DERL2: variants seen among roughly 807,000 people sequenced by gnomAD.
DERL2 encodes derlin-2.
Under a neutral mutation model 32.0 loss-of-function variants are expected in DERL2, and 13 were observed. The ratio of observed to expected loss-of-function variants is 0.41; its 90% confidence interval spans 0.26 to 0.65. The LOEUF is 0.65. DERL2 is among the 30% of genes least tolerant of loss of function. DERL2 has a pLI of 0.35. For missense variants in DERL2, 208 were observed against 296.3 expected (o/e 0.70, Z 2.19); for synonymous variants, 111 against 104.7 (o/e 1.06, Z -0.37).
chr17:5,477,037 G>C (rs17710957), intron 6 of DERL2, among the ~76,000 whole-genome samples: 2,222 of 152,240 alleles, frequency 0.015, 27 homozygotes, highest in Non-Finnish European at 0.024. Flanking sequence ...AGACTATCCC[G>C]AAAGACTGGT....
Position 5,481,211 on chromosome 17 carries a change from A to C in DERL2, c.327+85T>G, listed in dbSNP as rs1211815421. ...TGATAGTGCCCTGAAGCTAAGATCTAGAGAACTGTGGGAGACAGATGACAA... is the reference window on the plus strand; with the variant it reads ...TGATAGTGCCCTGAAGCTAAGATCTCGAGAACTGTGGGAGACAGATGACAA... On this transcript the variant is annotated intron_variant, in intron 4 of 6. Transcript: ENST00000158771. The surrounding 1 kb of genome is among the most constrained non-coding windows in gnomAD (Gnocchi z 4.4). 1.0e-6 allele frequency: 1 copy of C among 994,824 alleles called. No homozygotes were observed. Among genetic ancestry groups the C allele is most frequent in the Non-Finnish European group, 1.6e-6 (1 of 624,618 alleles). The allele number at this position is 994,824 out of a possible 1,614,324, so 61.6% of individuals were successfully genotyped here.
intron 3 of DERL2, chr17:5,482,475 T>C (rs1567612968): frequency 4.9e-6 from 1 of 205,724 alleles, no homozygotes; most frequent in Non-Finnish European, 9.8e-6. Flanking sequence ...TTCTGCTGAA[T>C]TACCATTGCA....
Position 5,473,905 on chromosome 17 carries a change from T to C in DERL2, c.*779A>G, listed in dbSNP as rs1330774792. On this transcript the variant is annotated 3_prime_UTR_variant, in exon 7 of 7. Transcript: ENST00000158771. ...TTACCAATCTTTCCCTGGATACTTC[T>C]TAATGGAGAAATGTAAGTAAAGCAA... 6.6e-6 allele frequency: 1 copy of C among 152,214 alleles called. No homozygotes were observed. The highest frequency in any genetic ancestry group is 1.5e-5 in the Non-Finnish European group (1 of 68,038). 9.4% of individuals were successfully genotyped at this position (152,214 alleles called of 1,614,324 possible). A position where few individuals can be genotyped will look rare whatever the true frequency, so the allele number is the denominator to read the frequency against.
chr17:5,484,058 G>A (rs1905978434), intron 2 of DERL2, among the ~76,000 whole-genome samples: 1 of 152,216 alleles, frequency 6.6e-6, no homozygotes, highest in Non-Finnish European at 1.5e-5. Context: ...AACAAAGGAG[G>A]ATGAGTACAT....
In DERL2 at chr17:5,471,932, G is replaced by T. The variant is rs1905142697; in HGVS notation, c.*2752C>A. On this transcript the variant is annotated 3_prime_UTR_variant, in exon 7 of 7. Coordinates refer to ENST00000158771, the MANE Select transcript of DERL2 (RefSeq NM_016041.5). ...TTTTCAGAGGCCCCAGAGACTGAGG[G>T]TTTCATTATCCAGACCCAGGACTTA... is the stretch of plus-strand genomic sequence containing the variant. 1 of 152,130 alleles carries T rather than the reference G, an allele frequency of 6.6e-6. No individual in the cohort carries two copies. Among genetic ancestry groups the T allele is most frequent in the Non-Finnish European group, 1.5e-5 (1 of 68,044 alleles). The allele number at this position is 152,130 out of a possible 1,614,324, so 9.4% of individuals were successfully genotyped here.
In DERL2 at chr17:5,486,147, G is replaced by C. The variant is rs766238801; in HGVS notation, c.15C>G (p.Ser5Arg). Reference protein sequence around the residue: MAYQSLRLEYLQIPP... With the variant: MAYQRLRLEYLQIPP... ...GGATCTGCAGGTACTCCAGCCGCAAGCTCTGGTACGCCATCTTCCCCACCG... is the reference window on the plus strand; with the variant it reads ...GGATCTGCAGGTACTCCAGCCGCAACCTCTGGTACGCCATCTTCCCCACCG... Residue 5 changes from serine to arginine, a missense_variant, in exon 1 of 7, where the codon AGC becomes AGG. This residue lies in a region of DERL2 where 44 missense variants were observed against 42.3 expected (regional missense o/e 1.04). Transcript: ENST00000158771. 6.2e-7 allele frequency: 1 copy of C among 1,609,452 alleles called. No individual in the cohort carries two copies. The highest frequency in any genetic ancestry group is 2.2e-5 in the East Asian group (1 of 44,542).
upstream of DERL2, chr17:5,486,362 C>G (rs551748180): frequency 1.4e-4 from 70 of 507,036 alleles, 2 homozygotes; most frequent in African/African-American, 5.9e-4. Context: ...CACCGCCCCC[C>G]CCCAGCGCCC....
rs1326459640 is a variant in DERL2, at chr17:5,474,740, G to A, written c.664C>T (p.Pro222Ser). The change falls in exon 7 of 7, where the codon CCT (proline) becomes TCT (serine). Residue 222 changes from proline to serine, a missense_variant. Physicochemically the swap from Pro to Ser is moderately conservative, Grantham distance 74 (BLOSUM62 -1). Coordinates refer to ENST00000158771, the MANE Select transcript of DERL2 (RefSeq NM_016041.5). This position sits in a 1 kb window ranked among gnomAD's most constrained non-coding sequence, Gnocchi z 4.3. ...PDEDPNYNPL[P>S]EERPGGFAWG... is the part of the protein sequence containing the mutation. ...GCGAAGCCTCCTGGCCGTTCCTCAG[G>A]TAGTGGATTGTAATTTGGATCCTCA... The A allele has an allele frequency of 1.9e-6, 3 of 1,613,864 alleles. No homozygotes were observed. Among genetic ancestry groups the A allele is most frequent in the Non-Finnish European group, 2.5e-6 (3 of 1,179,904 alleles).
At chr17:5,484,333 G>A (rs766922992) in intron 2 of DERL2, among the ~76,000 whole-genome samples, 2 of 152,214 alleles carry the variant, frequency 1.3e-5, no homozygotes, top group Non-Finnish European at 2.9e-5. Flanking sequence ...TGCAACCTCC[G>A]CCTCCCGGGT....
intron 2 of DERL2, 51 bp from the exon 3 acceptor site, chr17:5,482,933 G>A (rs780011855): frequency 2.1e-5 from 21 of 1,018,400 alleles, no homozygotes; most frequent in Non-Finnish European, 3.1e-5. Flanking sequence ...TAAATTACCA[G>A]GAAACAGTTC....
At chr17:5,476,717 G>C (rs1176840813) in intron 6 of DERL2, among the ~76,000 whole-genome samples, 1 of 152,180 alleles carries the variant, frequency 6.6e-6, no homozygotes, top group Non-Finnish European at 1.5e-5. Context: ...GGAGGCGGAG[G>C]TTGCAGTGAG....
At chr17:5,486,445 T>G, upstream of DERL2, 4 of 271,704 alleles carry the variant, frequency 1.5e-5, no homozygotes. Context: ...CTTCTGCCAA[T>G]CCCCGCCGGC....
Position 5,481,386 on chromosome 17 carries a change from A to G in DERL2, c.237T>C (p.Tyr79=), listed in dbSNP as rs766063337. Residue 79 remains tyrosine (Y), a synonymous_variant, in exon 4 of 7, where the codon TAT becomes TAC. Transcript: ENST00000158771. This position sits in a 1 kb window ranked among gnomAD's most constrained non-coding sequence, Gnocchi z 4.4. Reference sequence around the variant, plus strand: ...CTTCTTCTAGCATTCGACAGTAACGATATCTTAAGTTCCAAGTTAAGAAAA... The same window carrying G: ...CTTCTTCTAGCATTCGACAGTAACGGTATCTTAAGTTCCAAGTTAAGAAAA... ...FNFLFNMIFL[Y]RYCRMLEEGS... 12 of 1,612,072 alleles carry G rather than the reference A, an allele frequency of 7.4e-6. No individual in the cohort carries two copies. The highest frequency in any genetic ancestry group is 1.7e-5 in the Admixed American group (1 of 59,970).
At chr17:5,485,080 A>C (rs2043657635) in intron 2 of DERL2, 71 bp downstream of exon 2, 4 of 1,139,074 alleles carry the variant, frequency 3.5e-6, no homozygotes, top group Non-Finnish European at 5.1e-6. Context: ...AGTGTATAAC[A>C]GGATTTGCTA....
upstream of DERL2, chr17:5,486,361 C>A (rs1477370002): frequency 7.9e-6 from 4 of 507,144 alleles, no homozygotes; most frequent in African/African-American, 2.0e-5. Flanking sequence ...CCACCGCCCC[C>A]CCCCAGCGCC....
Position 5,486,107 on chromosome 17 carries a change from C to T in DERL2, c.55G>A (p.Ala19Thr), listed in dbSNP as rs528783027. ...GTGAGGACGCAGGCAGTGGTGTAGGCGCGGCTGACCGGTGGGATCTGCAGG... is the reference window on the plus strand; with the variant it reads ...GTGAGGACGCAGGCAGTGGTGTAGGTGCGGCTGACCGGTGGGATCTGCAGG... The part of the protein sequence containing the change: ...EYLQIPPVSR[A>T]YTTACVLTTA... The change falls in exon 1 of 7, where the codon GCC becomes ACC. Residue 19 changes from alanine to threonine, a missense_variant. Physicochemically the swap from Ala to Thr is moderately conservative, Grantham distance 58. Transcript: ENST00000158771. 5.6e-6 allele frequency: 9 copies of T among 1,610,950 alleles called. No individual in the cohort carries two copies. The Admixed American group carries it at 6.7e-5, about 12-fold the overall frequency.
At position 5,472,372 on chromosome 17, in the gene DERL2, T is replaced by C. The variant is rs2151697212; in HGVS notation, c.*2312A>G. 2 of 152,274 alleles carry C rather than the reference T, an allele frequency of 1.3e-5. No individual in the cohort carries two copies. Among genetic ancestry groups the C allele is most frequent in the South Asian group, 4.1e-4 (2 of 4,828 alleles). 9.4% of individuals were successfully genotyped at this position (152,274 alleles called of 1,614,324 possible). The stretch of plus-strand genomic sequence containing the variant: ...GTAAATTGGGGAGAAAGTAAGGACT[T>C]TTCCTTATGTCCATTCAAGCACAGG... On this transcript the variant is annotated 3_prime_UTR_variant, in exon 7 of 7. Coordinates refer to ENST00000158771, the MANE Select transcript of DERL2 (RefSeq NM_016041.5).
chr17:5,475,197 G>A (rs1905305053), intron 6 of DERL2, among the ~76,000 whole-genome samples: 1 of 151,740 alleles, frequency 6.6e-6, no homozygotes, highest in Non-Finnish European at 1.5e-5. Flanking sequence ...CATAACCAAG[G>A]TATCACCCAA....
chr17:5,480,673 T>C (rs1905718354), intron 4 of DERL2, 91 bp from the exon 5 acceptor site: 1 of 1,183,728 alleles, frequency 8.4e-7, no homozygotes, highest in South Asian at 2.3e-5. Flanking sequence ...TAACAGAAGT[T>C]TGAATTGGAA....
Sources: allele counts gnomAD v4.1 joint callset (sites outside exome capture counted in the v4.1 genomes callset), GRCh38; gene constraint gnomAD v4.1.1; regional missense constraint gnomAD v4.1.1; non-coding constraint Gnocchi (gnomAD v3.1); transcripts MANE v1.5; gene names NCBI Gene and HGNC (gene_info 2026-07-23, HGNC 2026-07-21).